PEX7: variants seen among roughly 807,000 people sequenced by gnomAD.
The protein encoded by PEX7 is PTS2 receptor.
In PEX7, 34 loss-of-function variants were observed where a neutral mutation model predicts 47.5. The ratio of observed to expected loss-of-function variants is 0.72; its 90% CI spans 0.54 to 0.95. The LOEUF (loss-of-function observed/expected upper bound fraction) is 0.95, where lower values mean the gene tolerates loss of function less well. PEX7 is among the 40% of genes least tolerant of loss of function. PEX7 has a pLI of 0.00. For missense variants in PEX7, 394 were observed against 400.3 expected (o/e 0.98, Z 0.13); for synonymous variants, 141 against 148.8 (o/e 0.95, Z 0.38).
At chr6:136,884,203 A>G (rs374668038) in intron 8 of PEX7, among the ~76,000 whole-genome samples, 1 of 152,198 alleles carries the variant, frequency 6.6e-6, no homozygotes, top group African/African-American at 2.4e-5. Context: ...GTCTAGTCTC[A>G]TTATTTGAAT....
chr6:136,853,026 T>A (rs1430822260), intron 5 of PEX7, among the ~76,000 whole-genome samples: 2 of 149,222 alleles, frequency 1.3e-5, no homozygotes, highest in African/African-American at 5.0e-5. Context: ...AACTATCTGA[T>A]CTTTGACAAA....
chr6:136,842,846 T>C (rs760065030), intron 3 of PEX7, among the ~76,000 whole-genome samples: 2 of 152,298 alleles, frequency 1.3e-5, no homozygotes, highest in African/African-American at 2.4e-5. Context: ...ATATGACTCA[T>C]TGAAGGACTT....
intron 5 of PEX7, among the ~76,000 whole-genome samples, chr6:136,859,216 G>A (rs938543803): frequency 6.6e-6 from 1 of 152,082 alleles, no homozygotes; most frequent in Non-Finnish European, 1.5e-5. Flanking sequence ...CCAAAATGGG[G>A]GAAGTTTTTA....
At chr6:136,830,138 G>T in intron 3 of PEX7, 1 of 674,858 alleles carries the variant, frequency 1.5e-6, no homozygotes. Context: ...AGCTTTGTAA[G>T]TTACCTGTTG....
intron 8 of PEX7, among the ~76,000 whole-genome samples, chr6:136,894,280 A>C (rs1039883798): frequency 6.6e-6 from 1 of 152,092 alleles, no homozygotes; most frequent in Non-Finnish European, 1.5e-5. Context: ...AACATGGTGA[A>C]ACCCCGTCTC....
chr6:136,864,424 T>G (rs1317744795), intron 5 of PEX7, among the ~76,000 whole-genome samples: 1 of 152,146 alleles, frequency 6.6e-6, no homozygotes, highest in Non-Finnish European at 1.5e-5. Context: ...AGTTATTTTA[T>G]TGTAGGTAGG....
At chr6:136,882,318 C>G (rs1432560883) in intron 8 of PEX7, among the ~76,000 whole-genome samples, 1 of 151,566 alleles carries the variant, frequency 6.6e-6, no homozygotes, top group Non-Finnish European at 1.5e-5. Flanking sequence ...TCTGGGACTA[C>G]AGGCACACAT....
chr6:136,901,334 A>G (rs1304104486), intron 9 of PEX7: 1 of 152,196 alleles, frequency 6.6e-6, no homozygotes, highest in Non-Finnish European at 1.5e-5. Flanking sequence ...TAAAACAACA[A>G]TTTTATTTGC....
At chr6:136,885,870 G>A (rs1037153984) in intron 8 of PEX7, among the ~76,000 whole-genome samples, 2 of 152,162 alleles carry the variant, frequency 1.3e-5, no homozygotes, top group African/African-American at 4.8e-5. Flanking sequence ...GTATAAACTT[G>A]AGCAAGTTAT....
intron 3 of PEX7, 145 bp from the exon 4 acceptor site, chr6:136,845,470 C>T: frequency 5.7e-6 from 4 of 700,182 alleles, no homozygotes. Context: ...ATTTCTCAGA[C>T]ACCTTGTTGA....
In PEX7 at chr6:136,878,413, C is replaced by T. The variant is rs370927123; in HGVS notation, c.803+6160C>T. Among the ~76,000 whole-genome samples, 47 of 152,274 alleles carry T rather than the reference C, an allele frequency of 3.1e-4. No homozygotes were observed. The East Asian group carries it at 4.4e-3, about 14-fold the overall frequency. On this transcript the variant is annotated intron_variant, in intron 8 of 9. Transcript: ENST00000318471. ...TCAAAGGGAATGGTTCCAGCTCTTG[C>T]CCATTCAGTATGATAGTGGCTGTGG... is the stretch of plus-strand genomic sequence containing the variant.
chr6:136,835,342 G>A (rs954715313), intron 3 of PEX7, among the ~76,000 whole-genome samples: 3 of 151,362 alleles, frequency 2.0e-5, no homozygotes, highest in Non-Finnish European at 4.4e-5. Context: ...AGGCTGGAGT[G>A]CAGTGGCATG....
chr6:136,827,536 GTGTGTGTGT>G (rs1774217315), intron 3 of PEX7, among the ~76,000 whole-genome samples: 1 of 148,016 alleles, frequency 6.8e-6, no homozygotes, highest in Non-Finnish European at 1.5e-5. Flanking sequence ...GTGTGTGTGT[GTGTGTGTGT>G]GTGTCAGGGT....
At chr6:136,844,587 T>C (rs1774561358) in intron 3 of PEX7, among the ~76,000 whole-genome samples, 2 of 152,196 alleles carry the variant, frequency 1.3e-5, no homozygotes, top group Admixed American at 1.3e-4. Flanking sequence ...ATGGTGTACA[T>C]TGAATCTCTA....
At chr6:136,908,611 A>G (rs1413171335) in intron 9 of PEX7, among the ~76,000 whole-genome samples, 2 of 152,156 alleles carry the variant, frequency 1.3e-5, no homozygotes, top group Non-Finnish European at 2.9e-5. Context: ...GAAGCAGTAG[A>G]GCCTGGAGGC....
chr6:136,844,324 T>C (rs1774555937), intron 3 of PEX7, among the ~76,000 whole-genome samples: 1 of 152,254 alleles, frequency 6.6e-6, no homozygotes, highest in East Asian at 1.9e-4. Flanking sequence ...GAGCTGAGAT[T>C]GTGCCCACTG....
At chr6:136,897,663 C>T (rs1423866491) in intron 8 of PEX7, among the ~76,000 whole-genome samples, 1 of 152,038 alleles carries the variant, frequency 6.6e-6, no homozygotes, top group African/African-American at 2.4e-5. Flanking sequence ...ATTCTAATTG[C>T]TGTTGAAATT....
chr6:136,849,368 T>A (rs1469848903), intron 5 of PEX7, among the ~76,000 whole-genome samples: 1 of 152,176 alleles, frequency 6.6e-6, no homozygotes, highest in Non-Finnish European at 1.5e-5. Flanking sequence ...TCTGCTCTGA[T>A]CTCAGTTATT....
intron 8 of PEX7, among the ~76,000 whole-genome samples, chr6:136,875,213 T>G (rs1353161880): frequency 1.3e-5 from 2 of 152,056 alleles, no homozygotes; most frequent in African/African-American, 2.4e-5. Context: ...TTTTGGTACT[T>G]TCTTTTTGTT....
Sources: allele counts gnomAD v4.1 joint callset (sites outside exome capture counted in the v4.1 genomes callset), GRCh38; gene constraint gnomAD v4.1.1; transcripts MANE v1.5; gene names NCBI Gene and HGNC (gene_info 2026-07-23, HGNC 2026-07-21).